The following FRMD4A variants were observed in gnomAD, a reference collection of about 807,000 sequenced individuals.
The protein encoded by FRMD4A is FERM domain-containing protein 4A.
FRMD4A carries 29 observed loss-of-function variants against 129.1 expected under a neutral mutation model. The ratio of observed to expected loss-of-function variants is 0.22; its 90% confidence interval spans 0.17 to 0.31. The LOEUF is 0.31. Among genes scored for constraint, FRMD4A ranks in the 10% least tolerant of loss-of-function variants. The pLI is 1.00. For missense variants in FRMD4A, 1,272 were observed against 1,375.8 expected (o/e 0.92, Z 1.19); for synonymous variants, 634 against 571.6 (o/e 1.11, Z -1.56).
intron 2 of FRMD4A, among the ~76,000 whole-genome samples, chr10:13,919,247 C>T (rs143444832): frequency 3.9e-5 from 6 of 152,262 alleles, no homozygotes; most frequent in East Asian, 3.9e-4. Context: ...GCCAGTTGTC[C>T]GTGACTTTGT....
In FRMD4A at chr10:14,209,629, G is replaced by A. The variant is rs147336861; in HGVS notation, c.45+120429C>T. Among the ~76,000 whole-genome samples the A allele has an allele frequency of 2.7e-3, 406 of 151,734 alleles. 2 individuals are homozygous for A. Among genetic ancestry groups the A allele is most frequent in the African/African-American group, 8.8e-3 (365 of 41,338 alleles). ...CCAATTACTCGGGAGGCTGAGGCAG[G>A]AGAATGGTGTGAACCCAGGAGGCGG... On this transcript the variant is annotated intron_variant, in intron 2 of 24. Coordinates refer to ENST00000357447, the MANE Select transcript of FRMD4A (RefSeq NM_018027.5).
At position 13,659,350 on chromosome 10, in the gene FRMD4A, C is replaced by T. The variant is rs372861237; in HGVS notation, c.2039G>A (p.Arg680Gln). 16 of 1,614,014 alleles carry T rather than the reference C, an allele frequency of 9.9e-6. No individual in the cohort carries two copies. The highest frequency in any genetic ancestry group is 4.5e-5 in the East Asian group (2 of 44,898). Reference protein sequence around the residue: ...SMPSTPDLRVRSPHYVHSTRS... With the variant: ...SMPSTPDLRVQSPHYVHSTRS... Reference sequence around the variant, plus strand: ...CGTGGAATGGACGTAGTGGGGACTCCGGACCCGCAGGTCTGGCGTGGACGG... The same window carrying T: ...CGTGGAATGGACGTAGTGGGGACTCTGGACCCGCAGGTCTGGCGTGGACGG... The change falls in exon 21 of 25, where the codon CGG (arginine) becomes CAG (glutamine). Residue 680 changes from arginine (R) to glutamine (Q), a missense_variant. Physicochemically the swap from Arg to Gln is conservative, Grantham distance 43. Coordinates refer to ENST00000357447, the MANE Select transcript of FRMD4A (RefSeq NM_018027.5).
intron 2 of FRMD4A, among the ~76,000 whole-genome samples, chr10:14,139,460 A>ATT (rs34387557): frequency 0.022 from 3,329 of 151,358 alleles, 52 homozygotes; most frequent in Non-Finnish European, 0.036. Context: ...ATTTTTTTTA[A>ATT]TTTTTTTGAG....
rs562158066 is a variant in FRMD4A at position 13,676,001 on chromosome 10, G to T, written c.1118-957C>A. 2.0e-5 allele frequency: 3 copies of T among 152,130 alleles called. No individual in the cohort carries two copies. The East Asian group carries it at 5.8e-4, about 29-fold the overall frequency. The allele number at this position is 152,130 out of a possible 1,614,324, so 9.4% of individuals were successfully genotyped here. ...ACATATTTTAACATACTTTTCCTGGGTAAAACATGATGATTCAAATAGCAG... is the reference window on the plus strand; with the variant it reads ...ACATATTTTAACATACTTTTCCTGGTTAAAACATGATGATTCAAATAGCAG... On this transcript the variant is annotated intron_variant, in intron 15 of 24. Coordinates refer to ENST00000357447, the MANE Select transcript of FRMD4A (RefSeq NM_018027.5).
At chr10:13,906,405 C>T (rs140644660) in intron 2 of FRMD4A, among the ~76,000 whole-genome samples, 2 of 152,312 alleles carry the variant, frequency 1.3e-5, no homozygotes, top group South Asian at 2.1e-4. Flanking sequence ...AGTGGTGTAA[C>T]TTTAGGCTAA....
At chr10:14,067,391 A>C (rs1484980435) in intron 2 of FRMD4A, among the ~76,000 whole-genome samples, 1 of 152,222 alleles carries the variant, frequency 6.6e-6, no homozygotes, top group Non-Finnish European at 1.5e-5. Flanking sequence ...AGAGGGGAAC[A>C]GGAAAGATTT....
intron 5 of FRMD4A, among the ~76,000 whole-genome samples, chr10:13,785,590 A>T (rs2092834009): frequency 1.3e-5 from 2 of 152,012 alleles, no homozygotes; most frequent in South Asian, 2.1e-4. Context: ...TCTTTTTTAA[A>T]TTTTTTTATT....
chr10:14,157,430 T>C (rs1478197318), intron 2 of FRMD4A, among the ~76,000 whole-genome samples: 1 of 152,174 alleles, frequency 6.6e-6, no homozygotes, highest in Non-Finnish European at 1.5e-5. Flanking sequence ...CGGAGTGGGA[T>C]TGGCAGCCAA....
chr10:13,743,330 C>G (rs2091115170), intron 9 of FRMD4A, among the ~76,000 whole-genome samples: 1 of 152,176 alleles, frequency 6.6e-6, no homozygotes, highest in African/African-American at 2.4e-5. Context: ...CCACTTCCTT[C>G]CATCCCACTC....
chr10:13,795,987 A>C (rs1446700994), intron 5 of FRMD4A, among the ~76,000 whole-genome samples: 1 of 152,194 alleles, frequency 6.6e-6, no homozygotes, highest in Non-Finnish European at 1.5e-5. Context: ...TTGTTTCTGA[A>C]ATGTTATTAA....
chr10:14,265,273 C>T (rs912777176), intron 2 of FRMD4A, among the ~76,000 whole-genome samples: 1 of 152,072 alleles, frequency 6.6e-6, no homozygotes, highest in Non-Finnish European at 1.5e-5. Context: ...TATCATGGTC[C>T]TTTTTTTAAA....
At chr10:14,246,568 TATGTACACAC>T (rs1018659490) in intron 2 of FRMD4A, among the ~76,000 whole-genome samples, 37 of 152,176 alleles carry the variant, frequency 2.4e-4, no homozygotes, top group African/African-American at 8.0e-4. Context: ...CACAATCACA[TATGTACACAC>T]ATGCATGCTC....
intron 2 of FRMD4A, among the ~76,000 whole-genome samples, chr10:14,213,394 C>T (rs1422384279): frequency 6.6e-6 from 1 of 152,190 alleles, no homozygotes; most frequent in Non-Finnish European, 1.5e-5. Flanking sequence ...TTCTCAACAG[C>T]CATGTGAGGT....
At chr10:13,945,240 T>C (rs1354485661) in intron 2 of FRMD4A, among the ~76,000 whole-genome samples, 1 of 152,230 alleles carries the variant, frequency 6.6e-6, no homozygotes, top group Non-Finnish European at 1.5e-5. Context: ...ATATCTTAAA[T>C]ATTTTCTCTC....
rs566303645 is a variant in FRMD4A at position 14,108,089 on chromosome 10, T to C, written c.45+221969A>G. 4.7e-4 allele frequency among the ~76,000 whole-genome samples: 72 copies of C among 152,344 alleles called. No homozygotes were observed. In the South Asian group the frequency reaches 0.015, roughly 32 times the overall value. Reference sequence around the variant, plus strand: ...AGCAATCTCTGCAAGTGCCTCATTCTTCACGGTCTCTCCAATAAAATTCAT... The same window carrying C: ...AGCAATCTCTGCAAGTGCCTCATTCCTCACGGTCTCTCCAATAAAATTCAT... On this transcript the variant is annotated intron_variant, in intron 2 of 24. Transcript: ENST00000357447.
intron 14 of FRMD4A, among the ~76,000 whole-genome samples, chr10:13,697,558 C>A (rs1052144739): frequency 7.2e-5 from 11 of 152,106 alleles, no homozygotes; most frequent in Non-Finnish European, 1.5e-4. Context: ...AAAGTCAGGT[C>A]TCTGGGCTGA....
intron 3 of FRMD4A, among the ~76,000 whole-genome samples, chr10:13,811,758 G>A (rs1284063375): frequency 6.6e-6 from 1 of 151,962 alleles, no homozygotes; most frequent in African/African-American, 2.4e-5. Flanking sequence ...AAACAGGGCC[G>A]GAAGAGAAGA....
chr10:14,314,631 C>G (rs1417443896), intron 2 of FRMD4A, among the ~76,000 whole-genome samples: 1 of 150,820 alleles, frequency 6.6e-6, no homozygotes, highest in Non-Finnish European at 1.5e-5. Context: ...CATCTTGGAA[C>G]CATGAGGGGA....
chr10:13,717,721 C>G (rs982957045), intron 12 of FRMD4A, among the ~76,000 whole-genome samples: 67 of 92,018 alleles, frequency 7.3e-4, no homozygotes, highest in African/African-American at 1.3e-3. Flanking sequence ...CCAGGGGTGG[C>G]GGGGGGGGTT....
Sources: allele counts gnomAD v4.1 joint callset (sites outside exome capture counted in the v4.1 genomes callset), GRCh38; gene constraint gnomAD v4.1.1; transcripts MANE v1.5; gene names NCBI Gene and HGNC (gene_info 2026-07-23, HGNC 2026-07-21).